The following LRRC4C variants were observed in gnomAD, a reference collection of about 807,000 sequenced individuals.
The protein encoded by LRRC4C is leucine rich repeat containing 4C.
In LRRC4C, 5 loss-of-function variants were observed where a neutral mutation model predicts 33.6. That is an observed-to-expected ratio of 0.15 (90% CI 0.08 to 0.31). The LOEUF is 0.31. Among genes scored for constraint, LRRC4C ranks in the 10% least tolerant of loss-of-function variants. LRRC4C has a pLI of 1.00. For missense variants in LRRC4C, 560 were observed against 796.7 expected, an observed-to-expected ratio of 0.70 and a Z score of 3.58; for synonymous variants, 329 against 302.0, an observed-to-expected ratio of 1.09 and a Z score of -0.93.
At chr11:40,712,862 A>T (rs919506992) in intron 2 of LRRC4C, among the ~76,000 whole-genome samples, 2 of 151,800 alleles carry the variant, frequency 1.3e-5, no homozygotes, top group Non-Finnish European at 2.9e-5. Context: ...TTGTTATTTC[A>T]TATAAGTTCC....
intron 3 of LRRC4C, among the ~76,000 whole-genome samples, chr11:40,477,886 G>T (rs1338547415): frequency 1.3e-5 from 2 of 152,088 alleles, no homozygotes; most frequent in Non-Finnish European, 2.9e-5. Context: ...TTATGGGAGG[G>T]ACCCAGTGAG....
intron 1 of LRRC4C, among the ~76,000 whole-genome samples, chr11:41,213,921 G>C (rs969696709): frequency 2.1e-4 from 32 of 152,162 alleles, no homozygotes; most frequent in African/African-American, 7.2e-4. Context: ...ACCTCCATTT[G>C]TTATTCTCAT....
At chr11:40,293,610 A>AAAGAAAAAAAGAAAAAG (rs932095673) in intron 4 of LRRC4C, 1 of 152,300 alleles carries the variant, frequency 6.6e-6, no homozygotes, top group Middle Eastern at 3.2e-3. Context: ...ACGAAAAAAG[A>AAAGAAAAAAAGAAAAAG]AAGAAAAAAA....
intron 3 of LRRC4C, among the ~76,000 whole-genome samples, chr11:40,495,936 TCTC>T (rs1954429868): frequency 1.4e-5 from 2 of 144,396 alleles, no homozygotes; most frequent in East Asian, 4.2e-4. Context: ...TTCAAGCAAT[TCTC>T]CTGTCTCAGC....
At chr11:40,238,950 C>T (rs1333516797) in intron 5 of LRRC4C, among the ~76,000 whole-genome samples, 1 of 152,136 alleles carries the variant, frequency 6.6e-6, no homozygotes, top group African/African-American at 2.4e-5. Context: ...TTATCGGTAA[C>T]AGTCCCATAC....
At chr11:40,371,391 A>G (rs988644713) in intron 3 of LRRC4C, among the ~76,000 whole-genome samples, 2 of 152,182 alleles carry the variant, frequency 1.3e-5, no homozygotes, top group African/African-American at 4.8e-5. Context: ...TTGGGAAGAC[A>G]ATATTTCCTT....
rs7482061 is a variant in LRRC4C at position 40,748,720 on chromosome 11, T to C, written c.-406-100442A>G. 4.1e-4 allele frequency among the ~76,000 whole-genome samples: 62 copies of C among 152,252 alleles called. 1 individual carries two copies. The East Asian group carries it at 0.011, about 27-fold the overall frequency. On this transcript the variant is annotated intron_variant, in intron 2 of 6. Coordinates refer to ENST00000528697, the MANE Select transcript of LRRC4C (RefSeq NM_001258419.2). ...GGATAAAAAACTTAATCTAACTATA[T>C]GCTGCCTACTAGAAACGCACTTTAC...
At chr11:40,856,609 T>C (rs1417042825) in intron 2 of LRRC4C, among the ~76,000 whole-genome samples, 2 of 152,188 alleles carry the variant, frequency 1.3e-5, no homozygotes, top group Non-Finnish European at 2.9e-5. Context: ...TAAGATAGAG[T>C]ATTCTTGGCA....
At chr11:40,122,530 A>G (rs1855900267) in intron 6 of LRRC4C, among the ~76,000 whole-genome samples, 2 of 152,108 alleles carry the variant, frequency 1.3e-5, no homozygotes, top group African/African-American at 2.4e-5. Flanking sequence ...TTCCTATGTC[A>G]GTCAAACTTC....
At chr11:40,711,764 A>C (rs548333747) in intron 2 of LRRC4C, among the ~76,000 whole-genome samples, 1 of 151,932 alleles carries the variant, frequency 6.6e-6, no homozygotes, top group South Asian at 2.1e-4. Flanking sequence ...GTAACGGAGG[A>C]TGTTCTCCCC....
intron 1 of LRRC4C, among the ~76,000 whole-genome samples, chr11:41,006,059 A>G (rs1447891942): frequency 1.3e-5 from 2 of 152,160 alleles, no homozygotes; most frequent in East Asian, 3.9e-4. Context: ...AAAATTTTGA[A>G]AAACAATTAG....
chr11:41,316,393 G>A (rs1472140022), intron 1 of LRRC4C, among the ~76,000 whole-genome samples: 2 of 151,912 alleles, frequency 1.3e-5, no homozygotes, highest in Admixed American at 6.6e-5. Flanking sequence ...GAGAGCAAGG[G>A]CATTCACATT....
intron 1 of LRRC4C, among the ~76,000 whole-genome samples, chr11:41,021,067 G>C (rs577046583): frequency 2.6e-5 from 4 of 151,842 alleles, no homozygotes; most frequent in Non-Finnish European, 5.9e-5. Context: ...TTAAGTAACT[G>C]TTGGGCTATT....
rs116678047 is a variant in LRRC4C, at chr11:40,433,734, G to C, written c.-269-114013C>G. Among the ~76,000 whole-genome samples, 501 of 152,246 alleles carry C rather than the reference G, an allele frequency of 3.3e-3. 4 individuals are homozygous for C. The highest frequency in any genetic ancestry group is 0.012 in the African/African-American group (481 of 41,528). ...TGATATTTATCATGTTGCCCACAGA[G>C]GATATATGTGTAAAAGGAAGTAGTC... On this transcript the variant is annotated intron_variant, in intron 3 of 6. Transcript: ENST00000528697.
chr11:40,781,324 C>T (rs192965738), intron 2 of LRRC4C, among the ~76,000 whole-genome samples: 1 of 152,018 alleles, frequency 6.6e-6, no homozygotes, highest in Non-Finnish European at 1.5e-5. Flanking sequence ...CATACACACA[C>T]ACACATATAT....
In LRRC4C at chr11:41,264,633, C is replaced by A. The variant is rs547979467; in HGVS notation, c.-496+194798G>T. On this transcript the variant is annotated intron_variant, in intron 1 of 6. Transcript: ENST00000528697. Reference sequence around the variant, plus strand: ...ACCATAGACACTTGAAAGAATGATACATTACTTGAATGTAGATATAAGAAA... The same window carrying A: ...ACCATAGACACTTGAAAGAATGATAAATTACTTGAATGTAGATATAAGAAA... Among the ~76,000 whole-genome samples, 39 of 152,182 alleles carry A rather than the reference C, an allele frequency of 2.6e-4. No individual in the cohort carries two copies. In the South Asian group the frequency reaches 5.6e-3, roughly 22 times the overall value.
At chr11:40,989,514 C>T (rs2137222017) in intron 1 of LRRC4C, among the ~76,000 whole-genome samples, 1 of 152,162 alleles carries the variant, frequency 6.6e-6, no homozygotes, top group Non-Finnish European at 1.5e-5. Flanking sequence ...CTGTGTTCCA[C>T]CGCAAAAAAA....
At chr11:41,030,490 C>T (rs1476914791) in intron 1 of LRRC4C, among the ~76,000 whole-genome samples, 2 of 151,816 alleles carry the variant, frequency 1.3e-5, no homozygotes, top group African/African-American at 2.4e-5. Context: ...CAGGAGGGAG[C>T]GTTTCACAAC....
intron 2 of LRRC4C, among the ~76,000 whole-genome samples, chr11:40,741,007 T>C (rs568666969): frequency 6.6e-6 from 1 of 152,178 alleles, no homozygotes; most frequent in Non-Finnish European, 1.5e-5. Flanking sequence ...CAGTACCATA[T>C]TTTTTATTAT....
Sources: allele counts gnomAD v4.1 joint callset (sites outside exome capture counted in the v4.1 genomes callset), GRCh38; gene constraint gnomAD v4.1.1; transcripts MANE v1.5; gene names NCBI Gene and HGNC (gene_info 2026-07-23, HGNC 2026-07-21).